The following FAM178B variants were observed in gnomAD, a reference collection of about 807,000 sequenced individuals.
The protein encoded by FAM178B is protein FAM178B.
In FAM178B, 82 loss-of-function variants were observed where a neutral mutation model predicts 91.7. That is an observed-to-expected ratio of 0.89 (90% CI 0.75 to 1.07). FAM178B has a LOEUF of 1.07. FAM178B is among the 50% of genes least tolerant of loss of function. FAM178B has a pLI of 0.00. For synonymous variants in FAM178B, 368 were observed against 359.4 expected (o/e 1.02, Z -0.27); for missense variants, 769 against 846.7 (o/e 0.91, Z 1.14).
intron 14 of FAM178B, among the ~76,000 whole-genome samples, chr2:96,891,727 A>T (rs1179109091): frequency 2.0e-5 from 3 of 152,050 alleles, no homozygotes; most frequent in African/African-American, 7.2e-5. Flanking sequence ...CAGCCAGAGG[A>T]GGTGGGGAAG....
At chr2:96,958,697 T>TA (rs55924441) in intron 6 of FAM178B, among the ~76,000 whole-genome samples, 62 of 55,528 alleles carry the variant, frequency 1.1e-3, no homozygotes, top group South Asian at 3.4e-3. Context: ...CTCAAAATAC[T>TA]AAAAAAAAAA....
At chr2:96,912,100 A>G (rs902176075) in intron 12 of FAM178B, among the ~76,000 whole-genome samples, 7 of 151,988 alleles carry the variant, frequency 4.6e-5, no homozygotes, top group African/African-American at 1.7e-4. Flanking sequence ...GGATGCAGGG[A>G]ATTTATGCGG....
At chr2:96,954,867 C>G (rs998398470) in intron 6 of FAM178B, among the ~76,000 whole-genome samples, 1 of 152,080 alleles carries the variant, frequency 6.6e-6, no homozygotes, top group Admixed American at 6.6e-5. Context: ...CTAGGCAACA[C>G]AGTGAGACCC....
chr2:96,921,297 G>A, intron 11 of FAM178B, 35 bp from the exon 12 acceptor site: 1 of 1,543,642 alleles, frequency 6.5e-7, no homozygotes, highest in East Asian at 2.4e-5. Flanking sequence ...GCTACAGGAG[G>A]ACACCGCCTT....
chr2:96,938,968 T>G (rs2081678272), intron 8 of FAM178B: 2 of 152,314 alleles, frequency 1.3e-5, no homozygotes, highest in South Asian at 4.1e-4. Flanking sequence ...CCTGGGAGGC[T>G]GAGGTGGGTG....
intron 6 of FAM178B, among the ~76,000 whole-genome samples, chr2:96,954,404 G>A (rs960168017): frequency 2.0e-5 from 3 of 152,266 alleles, no homozygotes; most frequent in African/African-American, 7.2e-5. Context: ...CGCAAAACCA[G>A]TGACAGGAAA....
intron 1 of FAM178B, among the ~76,000 whole-genome samples, chr2:96,984,171 A>G (rs913108825): frequency 2.0e-5 from 3 of 152,086 alleles, no homozygotes; most frequent in African/African-American, 7.2e-5. Context: ...CATGTTGGCC[A>G]GGCTGGTCTC....
At chr2:96,876,834 A>G (rs2080254439) in intron 16 of FAM178B, among the ~76,000 whole-genome samples, 1 of 151,862 alleles carries the variant, frequency 6.6e-6, no homozygotes, top group South Asian at 2.1e-4. Context: ...GGAAGGGAGG[A>G]GACCCCGAGC....
chr2:96,903,960 A>G (rs893197068), intron 12 of FAM178B, among the ~76,000 whole-genome samples: 40 of 152,216 alleles, frequency 2.6e-4, no homozygotes, highest in African/African-American at 9.4e-4. Flanking sequence ...CAGAACAAGC[A>G]GCAGCAGCAC....
chr2:96,942,516 C>T (rs559614353), intron 8 of FAM178B, among the ~76,000 whole-genome samples: 5 of 152,180 alleles, frequency 3.3e-5, no homozygotes, highest in African/African-American at 4.8e-5. Flanking sequence ...CCTCAGCCTC[C>T]GGAGTAGCTG....
At chr2:96,921,098 T>C in intron 12 of FAM178B, 67 bp downstream of exon 12, 2 of 1,347,968 alleles carry the variant, frequency 1.5e-6, no homozygotes, top group South Asian at 2.5e-5. Context: ...GGGAGGACTC[T>C]GGATCCCTAC....
At chr2:96,952,101 G>C (rs1055203368) in intron 6 of FAM178B, among the ~76,000 whole-genome samples, 6 of 152,164 alleles carry the variant, frequency 3.9e-5, no homozygotes, top group Non-Finnish European at 5.9e-5. Context: ...ATTTGCCAAG[G>C]GTGTGGAAAG....
At chr2:96,982,736 T>TTTA (rs2082378364) in intron 1 of FAM178B, among the ~76,000 whole-genome samples, 2 of 1,128 alleles carry the variant, frequency 1.8e-3, no homozygotes, top group African/African-American at 4.5e-3. Flanking sequence ...GCCCAGCTAA[T>TTTA]TTTTTTTTTT....
At chr2:96,897,761 C>T (rs1268065142) in intron 13 of FAM178B, among the ~76,000 whole-genome samples, 2 of 152,226 alleles carry the variant, frequency 1.3e-5, no homozygotes, top group South Asian at 2.1e-4. Context: ...GTAATCTCTT[C>T]TCAACACAGC....
intron 1 of FAM178B, among the ~76,000 whole-genome samples, chr2:96,981,480 C>G (rs1329010521): frequency 1.6e-4 from 24 of 152,136 alleles, no homozygotes. Flanking sequence ...TTGGTGCTTT[C>G]TGTATCCTGT....
rs771036414 is a variant in FAM178B, at chr2:96,878,491, G to C, written c.1779C>G (p.Ala593=). 1.3e-5 allele frequency: 21 copies of C among 1,613,652 alleles called. No homozygotes were observed. Among genetic ancestry groups the C allele is most frequent in the Non-Finnish European group, 1.7e-5 (20 of 1,179,986 alleles). Residue 593 remains alanine (A), a splice_region_variant and synonymous_variant, in exon 15 of 17, where the codon GCC becomes GCG. Coordinates refer to ENST00000490605, the MANE Select transcript of FAM178B (RefSeq NM_001122646.3). Reference sequence around the variant, plus strand: ...TCAGCAAGCTGTGGCACAGGTAGCAGGCCTGGAGGGAGAGCACAGGGAGAG... The same window carrying C: ...TCAGCAAGCTGTGGCACAGGTAGCACGCCTGGAGGGAGAGCACAGGGAGAG... ...PKASAELDHK[A]CYLCHSLLML... is the part of the protein sequence containing the mutation.
intron 10 of FAM178B, 102 bp from the exon 11 acceptor site, chr2:96,921,756 C>T (rs983441807): frequency 8.3e-7 from 1 of 1,207,580 alleles, no homozygotes. Context: ...AGGGATGGTA[C>T]TGTGAGCCCC....
At chr2:96,905,523 C>A (rs1173092398) in intron 12 of FAM178B, among the ~76,000 whole-genome samples, 1 of 146,846 alleles carries the variant, frequency 6.8e-6, no homozygotes, top group South Asian at 2.1e-4. Flanking sequence ...CACCACTGTA[C>A]TCAAGCCTGG....
chr2:96,889,862 G>A lies in FAM178B; in HGVS notation c.1776+4064C>T, dbSNP rs187685039. ...TCTCGATGGAATTGAATTGGGGCCC[G>A]TTGAGATGGCTCATGCCTGTAATCC... On this transcript the variant is annotated intron_variant, in intron 14 of 16. Coordinates refer to ENST00000490605, the MANE Select transcript of FAM178B (RefSeq NM_001122646.3). Among the ~76,000 whole-genome samples, 58 of 151,942 alleles carry A rather than the reference G, an allele frequency of 3.8e-4. 2 individuals carry two copies. In the East Asian group the frequency reaches 9.5e-3, roughly 25 times the overall value.
Sources: allele counts gnomAD v4.1 joint callset (sites outside exome capture counted in the v4.1 genomes callset), GRCh38; gene constraint gnomAD v4.1.1; transcripts MANE v1.5; gene names NCBI Gene and HGNC (gene_info 2026-07-23, HGNC 2026-07-21).